BIRC6: variants seen among roughly 807,000 people sequenced by gnomAD.
BIRC6 encodes dual E2 ubiquitin-conjugating enzyme/E3 ubiquitin-protein ligase BIRC6.
In BIRC6, 98 loss-of-function variants were observed where a neutral mutation model predicts 503.3. That is an observed-to-expected ratio of 0.19 (90% CI 0.17 to 0.23). The LOEUF is 0.23. Among genes scored for constraint, BIRC6 ranks in the 10% least tolerant of loss-of-function variants. The pLI, the probability that BIRC6 is intolerant of heterozygous loss-of-function variation, is 1.00. For synonymous variants in BIRC6, 2,240 were observed against 2,078.7 expected (o/e 1.08, Z -2.11); for missense variants, 5,360 against 5,806.0 (o/e 0.92, Z 2.50).
intron 9 of BIRC6, among the ~76,000 whole-genome samples, chr2:32,411,264 C>G (rs1379743331): frequency 6.6e-6 from 1 of 151,014 alleles, no homozygotes; most frequent in African/African-American, 2.4e-5. Context: ...GTCTCGAACT[C>G]CTGACCTCAG....
At chr2:32,538,128 G>T (rs2057382524) in intron 61 of BIRC6, among the ~76,000 whole-genome samples, 1 of 152,086 alleles carries the variant, frequency 6.6e-6, no homozygotes, top group Non-Finnish European at 1.5e-5. Flanking sequence ...GTCTTTGTGG[G>T]GTGGGACAGG....
chr2:32,551,707 T>G lies in BIRC6; in HGVS notation c.13144+2226T>G, dbSNP rs569611074. Among the ~76,000 whole-genome samples the G allele has an allele frequency of 5.3e-5, 8 of 152,336 alleles. No homozygotes were observed. The South Asian group carries it at 1.7e-3, about 32-fold the overall frequency. ...AATTTTTTCATTTGCGTATATAGTA[T>G]TATTTTTGGCAATGTGGGAGTTGAG... On this transcript the variant is annotated intron_variant, in intron 65 of 73. Transcript: ENST00000421745.
chr2:32,464,987 G>T (rs1356790247), intron 25 of BIRC6, 78 bp from the exon 26 acceptor site: 3 of 1,308,654 alleles, frequency 2.3e-6, no homozygotes, highest in Admixed American at 2.7e-5. Context: ...TTATTAATTT[G>T]CTATTATGGT....
intron 55 of BIRC6, among the ~76,000 whole-genome samples, 169 bp from the exon 56 acceptor site, chr2:32,518,085 T>TAAA (rs376934502): frequency 6.9e-6 from 1 of 145,284 alleles, no homozygotes. Context: ...CTTTCCTCCT[T>TAAA]AAAAAAAAAA....
At chr2:32,549,610 A>T (rs1269687979) in intron 65 of BIRC6, 129 bp downstream of exon 65, 2 of 918,130 alleles carry the variant, frequency 2.2e-6, no homozygotes, top group African/African-American at 1.7e-5. Flanking sequence ...GGAAATATTT[A>T]GTTGGTTTTT....
intron 66 of BIRC6, among the ~76,000 whole-genome samples, chr2:32,578,105 CTGTTA>C (rs1273521563): frequency 6.6e-6 from 1 of 152,146 alleles, no homozygotes; most frequent in Non-Finnish European, 1.5e-5. Context: ...TGTGCAGCCT[CTGTTA>C]TAAGACGGCA....
chr2:32,401,720 A>C, intron 8 of BIRC6, 97 bp downstream of exon 8: 2 of 1,080,526 alleles, frequency 1.9e-6, no homozygotes, highest in South Asian at 4.0e-5. Context: ...AGGAAAAAAA[A>C]GTTACGCAGT....
At chr2:32,533,827 A>G (rs78506720) in intron 61 of BIRC6, among the ~76,000 whole-genome samples, 7 of 152,192 alleles carry the variant, frequency 4.6e-5, no homozygotes, top group Non-Finnish European at 8.8e-5. Flanking sequence ...TTTTAGTCCC[A>G]TAAGACCTGT....
chr2:32,384,665 G>T (rs777417396), intron 3 of BIRC6, among the ~76,000 whole-genome samples: 6 of 152,162 alleles, frequency 3.9e-5, no homozygotes, highest in Non-Finnish European at 7.3e-5. Flanking sequence ...GTAACTGTTT[G>T]GCAGATTAGG....
rs1350476184 is a variant in BIRC6 at position 32,436,081 on chromosome 2, T to C, written c.3528T>C (p.Asp1176=). 1.4e-6 allele frequency: 2 copies of C among 1,453,438 alleles called. No homozygotes were observed. Among genetic ancestry groups the C allele is most frequent in the Non-Finnish European group, 1.8e-6 (2 of 1,086,224 alleles). The allele number at this position is 1,453,438 out of a possible 1,614,324, so 90.0% of individuals were successfully genotyped here. ...TTAGATTATGTCCATTTTTGGAGGA[T>C]CATAAAGAAGACATTCTATGTGGGC... ...QCLRLCPFLE[D]HKEDILCGPV... The change falls in exon 15 of 74, where the codon GAT becomes GAC. Residue 1176 remains aspartate, a synonymous_variant. Transcript: ENST00000421745.
In BIRC6 at chr2:32,508,067, C is replaced by T; in HGVS notation, c.9788C>T (p.Thr3263Ile). 4.3e-6 allele frequency: 7 copies of T among 1,613,894 alleles called. No individual in the cohort carries two copies. Among genetic ancestry groups the T allele is most frequent in the Non-Finnish European group, 5.9e-6 (7 of 1,179,868 alleles). The change falls in exon 51 of 74, where the codon ACC becomes ATC. Residue 3263 changes from threonine (T) to isoleucine (I), a missense_variant. By Grantham distance (89) the Thr-to-Ile change is moderately conservative. This residue lies in a region of BIRC6 where 62 missense variants were observed against 107.4 expected (regional missense o/e 0.58). Coordinates refer to ENST00000421745, the MANE Select transcript of BIRC6 (RefSeq NM_016252.4). Reference protein sequence around the residue: ...LSTPVVTSGLTYIKIQLVKAE... With the variant: ...LSTPVVTSGLIYIKIQLVKAE... ...ACTCCTGTTGTCACAAGTGGCCTCA[C>T]CTACATAAAAATTCAGCTTGTAAAA...
At chr2:32,407,393 T>G (rs2041344803) in intron 9 of BIRC6, among the ~76,000 whole-genome samples, 1 of 138,052 alleles carries the variant, frequency 7.2e-6, no homozygotes, top group Non-Finnish European at 1.5e-5. Flanking sequence ...TGCAGCGAGC[T>G]GAGATTGCGC....
In BIRC6 at chr2:32,405,942, G is replaced by C. The variant is rs141155729; in HGVS notation, c.1419-557G>C. Among the ~76,000 whole-genome samples the C allele has an allele frequency of 5.7e-3, 871 of 152,148 alleles. 9 individuals are homozygous for C. The highest frequency in any genetic ancestry group is 0.02 in the African/African-American group (825 of 41,506). On this transcript the variant is annotated intron_variant, in intron 8 of 73. Coordinates refer to ENST00000421745, the MANE Select transcript of BIRC6 (RefSeq NM_016252.4). ...CCTACAAATGTTATTATGGATTCTT[G>C]GAGGTTTCCATACCCTATTTCAGTT...
At chr2:32,559,279 T>C (rs1573002660) in intron 65 of BIRC6, among the ~76,000 whole-genome samples, 2 of 152,320 alleles carry the variant, frequency 1.3e-5, no homozygotes, top group East Asian at 3.9e-4. Context: ...ACTTGCCTGG[T>C]TGTAAGCTGT....
At chr2:32,579,801 A>G (rs142299729) in intron 66 of BIRC6, among the ~76,000 whole-genome samples, 19 of 152,186 alleles carry the variant, frequency 1.2e-4, no homozygotes, top group Non-Finnish European at 2.2e-4. Context: ...ATTCATGATT[A>G]ACACTGATAG....
chr2:32,368,615 A>T (rs1263335182), intron 1 of BIRC6, among the ~76,000 whole-genome samples: 1 of 152,090 alleles, frequency 6.6e-6, no homozygotes, highest in Non-Finnish European at 1.5e-5. Flanking sequence ...GACTTTAGAG[A>T]AGTTTGTTTA....
At chr2:32,491,611 C>A in intron 44 of BIRC6, 53 bp downstream of exon 44, 2 of 1,544,350 alleles carry the variant, frequency 1.3e-6, no homozygotes, top group South Asian at 1.2e-5. Flanking sequence ...AAACAGTATT[C>A]GTAATGTAAA....
chr2:32,523,225 AAAAT>A (rs1457409223), intron 57 of BIRC6: 7 of 152,234 alleles, frequency 4.6e-5, no homozygotes, highest in Non-Finnish European at 1.5e-5. Flanking sequence ...TTTGTATTAA[AAAAT>A]AAAAAAGTAA....
intron 1 of BIRC6, among the ~76,000 whole-genome samples, chr2:32,371,008 A>C (rs1435914988): frequency 6.6e-6 from 1 of 152,066 alleles, no homozygotes; most frequent in Non-Finnish European, 1.5e-5. Flanking sequence ...TGAAATTTTC[A>C]ATTTTGCCAT....
Sources: allele counts gnomAD v4.1 joint callset (sites outside exome capture counted in the v4.1 genomes callset), GRCh38; gene constraint gnomAD v4.1.1; regional missense constraint gnomAD v4.1.1; transcripts MANE v1.5; gene names NCBI Gene and HGNC (gene_info 2026-07-23, HGNC 2026-07-21).